GABRA3: variants seen among roughly 807,000 people sequenced by gnomAD.
The protein encoded by GABRA3 is gamma-aminobutyric acid receptor subunit alpha-3.
Under a neutral mutation model 30.1 loss-of-function variants are expected in GABRA3, and 10 were observed. The observed-to-expected ratio is 0.33, with a 90% CI of 0.20 to 0.56. The LOEUF (loss-of-function observed/expected upper bound fraction) is 0.56. Among genes scored for constraint, GABRA3 ranks in the 20% least tolerant of loss-of-function variants. The pLI is 0.89. For missense variants in GABRA3, 233 were observed against 392.0 expected (o/e 0.59, Z 3.42); for synonymous variants, 151 against 146.8 (o/e 1.03, Z -0.21).
intron 9 of GABRA3, among the ~76,000 whole-genome samples, chrX:152,172,485 T>C: frequency 9.0e-6 from 1 of 111,681 alleles, no homozygotes; most frequent in Non-Finnish European, 1.9e-5. Context: ...CAAAGAGATA[T>C]TTGCATACCC....
chrX:152,288,718 G>A (rs951686180), intron 3 of GABRA3, among the ~76,000 whole-genome samples: 7 of 111,887 alleles, frequency 6.3e-5, no homozygotes, highest in African/African-American at 2.3e-4. Flanking sequence ...TGAAACTCAT[G>A]AGGGCCACAA....
At chrX:152,365,424 G>C (rs1163981688) in intron 1 of GABRA3, among the ~76,000 whole-genome samples, 1 of 111,435 alleles carries the variant, frequency 9.0e-6, no homozygotes, top group Admixed American at 9.6e-5. Flanking sequence ...GTGATATGGA[G>C]TTCCCTATAA....
chrX:152,208,180 G>C (rs1312272288), intron 6 of GABRA3, 36 bp from the exon 7 acceptor site: 1 of 1,178,911 alleles, frequency 8.5e-7, no homozygotes, highest in Non-Finnish European at 1.1e-6. Flanking sequence ...AGAAGTTGAA[G>C]GAAATGGAGA....
chrX:152,393,670 T>C (rs186976143), intron 1 of GABRA3: 15 of 225,773 alleles, frequency 6.6e-5, no homozygotes, highest in Non-Finnish European at 1.3e-4. Context: ...GGAGATATCA[T>C]GGCACATACT....
chrX:152,449,157 T>A (rs1486044823), intron 1 of GABRA3, among the ~76,000 whole-genome samples: 11 of 112,159 alleles, frequency 9.8e-5, no homozygotes, highest in African/African-American at 3.6e-4. Flanking sequence ...AAAGCAAATT[T>A]GTTCCAGATA....
chrX:152,292,510 C>T, intron 3 of GABRA3, among the ~76,000 whole-genome samples: 1 of 111,271 alleles, frequency 9.0e-6, no homozygotes, highest in African/African-American at 3.3e-5. Flanking sequence ...CCTGGATTCA[C>T]TGATTTTTTA....
At chrX:152,398,110 C>T (rs1244817607) in intron 1 of GABRA3, among the ~76,000 whole-genome samples, 1 of 111,659 alleles carries the variant, frequency 9.0e-6, no homozygotes, top group East Asian at 2.8e-4. Flanking sequence ...ACCTCCTTTC[C>T]TCTTGGTTTC....
At chrX:152,241,409 G>C (rs1407412366) in intron 5 of GABRA3, among the ~76,000 whole-genome samples, 2 of 103,835 alleles carry the variant, frequency 1.9e-5, no homozygotes, top group Non-Finnish European at 4.1e-5. Flanking sequence ...TCTCTTCAAA[G>C]CTGTCAGACA....
chrX:152,398,235 A>G (rs1445813179), intron 1 of GABRA3, among the ~76,000 whole-genome samples: 1 of 103,447 alleles, frequency 9.7e-6, no homozygotes, highest in Non-Finnish European at 2.0e-5. Context: ...CTTTCATATT[A>G]TATCTGCCAG....
At chrX:152,398,829 A>G (rs1929724715) in intron 1 of GABRA3, among the ~76,000 whole-genome samples, 1 of 111,881 alleles carries the variant, frequency 8.9e-6, no homozygotes, top group Non-Finnish European at 1.9e-5. Flanking sequence ...ACACAAGCAA[A>G]CAAGCATGGA....
At position 152,445,060 on chromosome X, in the gene GABRA3, C is replaced by CAAAAA. The variant is rs1204814043; in HGVS notation, c.-27+6081_-27+6085dup. ...TGGGCAACAGAGTGAGACTCCGTCT[C>CAAAAA]AAAAAAAAAAAAAAAAAAAAAAAAA... On this transcript the variant is annotated intron_variant, in intron 1 of 9. Coordinates refer to ENST00000370314, the MANE Select transcript of GABRA3 (RefSeq NM_000808.4). 2.1e-3 allele frequency among the ~76,000 whole-genome samples: 39 copies of CAAAAA among 18,714 alleles called. 1 individual carries two copies. The highest frequency in any genetic ancestry group is 5.5e-3 in the South Asian group (1 of 181). 16.3% of individuals were successfully genotyped at this position (18,714 alleles called of 115,157 possible).
chrX:152,229,156 A>C (rs1938020341), intron 5 of GABRA3, among the ~76,000 whole-genome samples: 1 of 110,457 alleles, frequency 9.1e-6, no homozygotes, highest in Non-Finnish European at 1.9e-5. Flanking sequence ...AGCTCTACTA[A>C]GTTTGGTTGT....
At chrX:152,418,232 T>A (rs1930284822) in intron 1 of GABRA3, among the ~76,000 whole-genome samples, 1 of 111,019 alleles carries the variant, frequency 9.0e-6, no homozygotes, top group South Asian at 3.7e-4. Context: ...GTGCAAGAAT[T>A]GCATTTTTTG....
chrX:152,302,664 T>C (rs1027360704), intron 3 of GABRA3, among the ~76,000 whole-genome samples: 2 of 111,029 alleles, frequency 1.8e-5, no homozygotes, highest in African/African-American at 3.3e-5. Context: ...TGGGGTACTA[T>C]TGATCTCATC....
chrX:152,199,096 C>G (rs749929619), intron 7 of GABRA3, among the ~76,000 whole-genome samples: 205 of 111,099 alleles, frequency 1.8e-3, no homozygotes, highest in African/African-American at 6.4e-3. Flanking sequence ...GGTGCGGTGG[C>G]TCAAGCCTGC....
chrX:152,205,290 A>T (rs186765998), intron 7 of GABRA3, among the ~76,000 whole-genome samples: 51 of 111,747 alleles, frequency 4.6e-4, no homozygotes, highest in African/African-American at 1.6e-3. Context: ...TTAACCTTTC[A>T]GAACAGCAGT....
intron 1 of GABRA3, among the ~76,000 whole-genome samples, chrX:152,380,078 G>A (rs1929102866): frequency 9.0e-6 from 1 of 111,388 alleles, no homozygotes; most frequent in Admixed American, 9.5e-5. Flanking sequence ...TTAACATATC[G>A]ATCACTTTTC....
intron 5 of GABRA3, among the ~76,000 whole-genome samples, chrX:152,235,958 T>C (rs887748620): frequency 2.3e-5 from 1 of 43,141 alleles, no homozygotes; most frequent in Non-Finnish European, 3.6e-5. Context: ...ATTTGATTTC[T>C]TTTTTTTTTT....
intron 1 of GABRA3, among the ~76,000 whole-genome samples, chrX:152,429,404 G>A (rs1269067875): frequency 9.1e-6 from 1 of 110,279 alleles, no homozygotes; most frequent in Non-Finnish European, 1.9e-5. Context: ...AACCAGAGGG[G>A]GCCATAAAAA....
Sources: gnomAD v4.1 joint callset for allele counts (sites outside exome capture counted in the v4.1 genomes callset) on GRCh38, gnomAD v4.1.1 for gene constraint, MANE v1.5 for transcripts, NCBI Gene and HGNC (gene_info 2026-07-23, HGNC 2026-07-21) for gene names.